The following KIF14 variants were observed in gnomAD, a reference collection of about 807,000 sequenced individuals.
KIF14 encodes kinesin-like protein KIF14.
A neutral mutation model predicts 176.2 loss-of-function variants in KIF14; 98 were observed. That is an observed-to-expected ratio of 0.56 (90% CI 0.47 to 0.66). The LOEUF is 0.66. Ranked by LOEUF, KIF14 falls within the 30% of genes least tolerant of loss-of-function variation. The pLI, the probability that KIF14 is intolerant of heterozygous loss-of-function variation, is 0.00. For synonymous variants in KIF14, 566 were observed against 632.2 expected (o/e 0.90, Z 1.57); for missense variants, 1,751 against 1,920.4 (o/e 0.91, Z 1.65).
intron 10 of KIF14, among the ~76,000 whole-genome samples, chr1:200,602,953 A>C (rs1659698144): frequency 6.6e-6 from 1 of 152,224 alleles, no homozygotes; most frequent in Non-Finnish European, 1.5e-5. Context: ...AGAATTGTAC[A>C]CTAATAATCT....
At chr1:200,614,496 GC>G (rs1287702445) in intron 3 of KIF14, 91 bp from the exon 4 acceptor site, 1 of 712,126 alleles carries the variant, frequency 1.4e-6, no homozygotes, top group Non-Finnish European at 2.3e-6. Context: ...GGAGTAGGAA[GC>G]AAGTTCACTG....
Position 200,600,179 on chromosome 1 carries a change from G to A in KIF14, c.2301-66C>T, listed in dbSNP as rs569306005. 14 of 1,290,094 alleles carry A rather than the reference G, an allele frequency of 1.1e-5. No homozygotes were observed. The East Asian group carries it at 3.2e-4, about 30-fold the overall frequency. 79.9% of individuals were successfully genotyped at this position (1,290,094 alleles called of 1,614,324 possible). A position where few individuals can be genotyped will look rare whatever the true frequency, so the allele number is the denominator to read the frequency against. ...AGATGTATAAGATTGAGAGTCAAGA[G>A]ACAATCAATGAAAATTAGGCAACTA... is the stretch of plus-strand genomic sequence containing the variant. On this transcript the variant is annotated intron_variant, in intron 12 of 29. Coordinates refer to ENST00000367350, the MANE Select transcript of KIF14 (RefSeq NM_014875.3).
chr1:200,616,916 C>T (rs1347739832), intron 2 of KIF14, among the ~76,000 whole-genome samples: 2 of 152,154 alleles, frequency 1.3e-5, no homozygotes, highest in East Asian at 3.8e-4. Flanking sequence ...TGATGATAAT[C>T]ACCACTCTGG....
rs747430628 is a variant in KIF14, at chr1:200,603,867, G to A, written c.1835C>T (p.Thr612Met). The change falls in exon 9 of 30, where the codon ACG becomes ATG. Residue 612 changes from threonine to methionine, a missense_variant. Coordinates refer to ENST00000367350, the MANE Select transcript of KIF14 (RefSeq NM_014875.3). ...IDLAGSERCS[T>M]AHTNGDRLKE... Reference sequence around the variant, plus strand: ...TAGTCGATCTCCATTAGTGTGAGCCGTAGAGCAGCGCTCACTGCCTGCCAG... The same window carrying A: ...TAGTCGATCTCCATTAGTGTGAGCCATAGAGCAGCGCTCACTGCCTGCCAG... The A allele has an allele frequency of 5.3e-5, 86 of 1,609,418 alleles. 3 individuals are homozygous for A. The South Asian group carries it at 6.5e-4, about 12-fold the overall frequency.
chr1:200,619,465 G>C, intron 1 of KIF14, among the ~76,000 whole-genome samples: 1 of 152,104 alleles, frequency 6.6e-6, no homozygotes, highest in Admixed American at 6.6e-5. Flanking sequence ...CAAATCTCCT[G>C]CCTTAGCCTC....
In KIF14 at chr1:200,560,779, C is replaced by T; in HGVS notation, c.4173G>A (p.Leu1391=). The change falls in exon 26 of 30, where the codon CTG becomes CTA. Residue 1391 remains leucine (L), a synonymous_variant. Transcript: ENST00000367350. ...AVKYVGQLAV[L]KGSKLHFLEN... ...CTAGAAAATGTAGCTTGCTCCCTTT[C>T]AGAACTGCTAACTGCCCCACATACT... 6.2e-7 allele frequency: 1 copy of T among 1,614,196 alleles called. No homozygotes were observed.
chr1:200,602,152 G>C, intron 10 of KIF14, 84 bp from the exon 11 acceptor site: 4 of 1,095,652 alleles, frequency 3.7e-6, no homozygotes, highest in African/African-American at 1.6e-5. Flanking sequence ...CAAACTAATA[G>C]GGTATATAAT....
At chr1:200,596,567 T>C (rs1659350861) in intron 14 of KIF14, among the ~76,000 whole-genome samples, 1 of 147,456 alleles carries the variant, frequency 6.8e-6, no homozygotes, top group Non-Finnish European at 1.5e-5. Flanking sequence ...CAGTCTTTTT[T>C]TTTTTTTTTT....
At chr1:200,616,668 C>A (rs149921482) in intron 2 of KIF14, among the ~76,000 whole-genome samples, 27 of 152,332 alleles carry the variant, frequency 1.8e-4, no homozygotes, top group African/African-American at 6.5e-4. Context: ...TTAAACACTA[C>A]TAACTCTGTG....
chr1:200,615,560 T>C lies in KIF14; in HGVS notation c.1162A>G (p.Ile388Val), dbSNP rs767272059. 1 of 1,613,870 alleles carries C rather than the reference T, an allele frequency of 6.2e-7. No homozygotes were observed. ...SQVVFMSGKE[I>V]TVEHPDTKQV... Reference sequence around the variant, plus strand: ...TTCGTGTCAGGGTGTTCCACAGTTATTTCTTTCCCACTCATGAAGACTACC... The same window carrying C: ...TTCGTGTCAGGGTGTTCCACAGTTACTTCTTTCCCACTCATGAAGACTACC... Residue 388 changes from isoleucine to valine, a missense_variant, in exon 3 of 30, where the codon ATA (isoleucine) becomes GTA (valine). Ile to Val is a conservative substitution (Grantham distance 29, BLOSUM62 3). Coordinates refer to ENST00000367350, the MANE Select transcript of KIF14 (RefSeq NM_014875.3).
At position 200,578,818 on chromosome 1, in the gene KIF14, G is replaced by A. The variant is rs112553884; in HGVS notation, c.3465+1436C>T. 3.4e-3 allele frequency among the ~76,000 whole-genome samples: 514 copies of A among 152,222 alleles called. 5 individuals carry two copies. The highest frequency in any genetic ancestry group is 0.012 in the African/African-American group (481 of 41,512). ...CATTTAACAAAAAATTCAGCCAGGC[G>A]TGGTGGCTCACACCTGTAATCCCAG... On this transcript the variant is annotated intron_variant, in intron 21 of 29. Transcript: ENST00000367350.
intron 21 of KIF14, among the ~76,000 whole-genome samples, chr1:200,576,580 T>G (rs1291209887): frequency 6.6e-6 from 1 of 151,964 alleles, no homozygotes; most frequent in African/African-American, 2.4e-5. Flanking sequence ...ATGACCTCCA[T>G]ACTACTTTTG....
rs377013823 is a variant in KIF14, at chr1:200,589,268, T to A, written c.3063A>T (p.Glu1021Asp). ...CTAATCGCTTTTTGTTGACATATAT[T>A]TCCTGTTCAAGATGCTGCTTTGCCT... Reference protein sequence around the residue: ...LEKAKQHLEQEIYVNKKRLEM... With the variant: ...LEKAKQHLEQDIYVNKKRLEM... Residue 1021 changes from glutamate to aspartate, a missense_variant, in exon 18 of 30, where the codon GAA (glutamate) becomes GAT (aspartate). Physicochemically the swap from Glu to Asp is conservative, Grantham distance 45. Coordinates refer to ENST00000367350, the MANE Select transcript of KIF14 (RefSeq NM_014875.3). 1.9e-6 allele frequency: 3 copies of A among 1,611,858 alleles called. No homozygotes were observed. The highest frequency in any genetic ancestry group is 2.5e-6 in the Non-Finnish European group (3 of 1,178,462).
At position 200,603,850 on chromosome 1, in the gene KIF14, C is replaced by A. The variant is rs753200821; in HGVS notation, c.1852G>T (p.Asp618Tyr). The part of the protein sequence containing the change: ...ERCSTAHTNG[D>Y]RLKEGVSINK... ...AGCATTCCATTTACCTTTAGTCGAT[C>A]TCCATTAGTGTGAGCCGTAGAGCAG... The change falls in exon 9 of 30, where the codon GAT becomes TAT. Residue 618 changes from aspartate to tyrosine, a missense_variant. Transcript: ENST00000367350. 3.3e-5 allele frequency: 53 copies of A among 1,591,872 alleles called. No homozygotes were observed. Among genetic ancestry groups the A allele is most frequent in the Admixed American group, 5.0e-5 (3 of 59,662 alleles).
rs1318135657 is a variant in KIF14, at chr1:200,597,339, CGA to C, written c.2549+896_2549+897del. 2.0e-5 allele frequency among the ~76,000 whole-genome samples: 3 copies of C among 151,392 alleles called. No individual in the cohort carries two copies. In the East Asian group the frequency reaches 5.8e-4, roughly 29 times the overall value. ...AAAGATATTTATACCAAAAAGCTCACGAAAGATTGGCAACTCCTACAAATTAT... is the reference window on the plus strand; with the variant it reads ...AAAGATATTTATACCAAAAAGCTCACAAGATTGGCAACTCCTACAAATTAT... On this transcript the variant is annotated intron_variant, in intron 14 of 29. Coordinates refer to ENST00000367350, the MANE Select transcript of KIF14 (RefSeq NM_014875.3).
chr1:200,601,585 T>C (rs12091779), intron 11 of KIF14, among the ~76,000 whole-genome samples: 1,986 of 152,138 alleles, frequency 0.013, 53 homozygotes, highest in African/African-American at 0.044. Flanking sequence ...AAGAGAAAAA[T>C]AGTAAATAGT....
At chr1:200,596,929 T>C (rs1182845056) in intron 14 of KIF14, among the ~76,000 whole-genome samples, 1 of 136,852 alleles carries the variant, frequency 7.3e-6, no homozygotes, top group African/African-American at 2.8e-5. Context: ...ATAGTCTCGC[T>C]CTGTCACTCA....
In KIF14 at chr1:200,615,544, G is replaced by A. The variant is rs1660368624; in HGVS notation, c.1178C>T (p.Pro393Leu). 6.2e-7 allele frequency: 1 copy of A among 1,613,688 alleles called. No individual in the cohort carries two copies. Among genetic ancestry groups the A allele is most frequent in the African/African-American group, 1.3e-5 (1 of 75,010 alleles). The change falls in exon 3 of 30, where the codon CCT becomes CTT. Residue 393 changes from proline to leucine, a missense_variant. Physicochemically the swap from Pro to Leu is moderately conservative, Grantham distance 98. Coordinates refer to ENST00000367350, the MANE Select transcript of KIF14 (RefSeq NM_014875.3). ...AAAATTATAAACTTGTTTCGTGTCA[G>A]GGTGTTCCACAGTTATTTCTTTCCC... is the stretch of plus-strand genomic sequence containing the variant. Reference protein sequence around the residue: ...MSGKEITVEHPDTKQVYNFIY... With the variant: ...MSGKEITVEHLDTKQVYNFIY...
chr1:200,614,729 C>CG (rs2102777740), intron 3 of KIF14, among the ~76,000 whole-genome samples: 1 of 16,776 alleles, frequency 6.0e-5, no homozygotes, highest in Non-Finnish European at 2.0e-4. Flanking sequence ...CCGCTTGGGA[C>CG]CCCTCCACGC....
Sources: allele counts gnomAD v4.1 joint callset (sites outside exome capture counted in the v4.1 genomes callset), GRCh38; gene constraint gnomAD v4.1.1; transcripts MANE v1.5; gene names NCBI Gene and HGNC (gene_info 2026-07-23, HGNC 2026-07-21).